C2CD3: variants seen among roughly 807,000 people sequenced by gnomAD.
C2CD3 encodes C2 domain containing 3 centriole elongation regulator.
Under a neutral mutation model 234.0 loss-of-function variants are expected in C2CD3, and 148 were observed. That is an observed-to-expected ratio of 0.63 (90% confidence interval 0.55 to 0.72). C2CD3 has a LOEUF of 0.72. Ranked by LOEUF, C2CD3 falls within the 30% of genes least tolerant of loss-of-function variation. The probability of loss-of-function intolerance (pLI) is 0.00; values close to 1 mark genes in which losing one functional copy is unlikely to be tolerated. For synonymous variants in C2CD3, 1,000 were observed against 1,035.4 expected (o/e 0.97, Z 0.66); for missense variants, 2,577 against 2,811.5 (o/e 0.92, Z 1.89).
At chr11:74,121,973 C>T (rs1273254841) in intron 8 of C2CD3, among the ~76,000 whole-genome samples, 2 of 152,154 alleles carry the variant, frequency 1.3e-5, no homozygotes, top group Non-Finnish European at 1.5e-5. Flanking sequence ...ATCTGCTTCT[C>T]GTTATTCCCT....
intron 14 of C2CD3, among the ~76,000 whole-genome samples, chr11:74,100,948 A>C (rs939966863): frequency 6.6e-6 from 1 of 152,216 alleles, no homozygotes; most frequent in Admixed American, 6.5e-5. Context: ...GAAGGTTGTT[A>C]AATATGTCAA....
chr11:74,078,436 G>T lies in C2CD3; in HGVS notation c.4282C>A (p.His1428Asn). The T allele has an allele frequency of 6.2e-7, 1 of 1,614,168 alleles. No individual in the cohort carries two copies. The highest frequency in any genetic ancestry group is 8.5e-7 in the Non-Finnish European group (1 of 1,180,028). The change falls in exon 23 of 33, where the codon CAC (histidine) becomes AAC (asparagine). Residue 1428 changes from histidine (H) to asparagine (N), a missense_variant. Coordinates refer to ENST00000334126, the MANE Select transcript of C2CD3 (RefSeq NM_001286577.2). Reference sequence around the variant, plus strand: ...TAGCAATATGTATTCTTATGAATGTGGTTGTGGCCAGCAAGCAGCACACAA... The same window carrying T: ...TAGCAATATGTATTCTTATGAATGTTGTTGTGGCCAGCAAGCAGCACACAA... The part of the protein sequence containing the change: ...IHCVLLAGHN[H>N]IHKNTYCYLR...
At chr11:74,159,460 A>G (rs1590967117) in intron 3 of C2CD3, among the ~76,000 whole-genome samples, 1 of 152,124 alleles carries the variant, frequency 6.6e-6, no homozygotes, top group African/African-American at 2.4e-5. Flanking sequence ...GAGGTGGAAG[A>G]CAGTGATAGT....
intron 24 of C2CD3, among the ~76,000 whole-genome samples, chr11:74,064,420 G>A (rs1036555971): frequency 2.9e-4 from 44 of 152,114 alleles, no homozygotes; most frequent in African/African-American, 8.7e-4. Flanking sequence ...TGAAATAAAA[G>A]AGGACACAAT....
intron 15 of C2CD3, among the ~76,000 whole-genome samples, chr11:74,099,927 G>T (rs1476919883): frequency 6.6e-6 from 1 of 150,810 alleles, no homozygotes; most frequent in Non-Finnish European, 1.5e-5. Context: ...CAACAAAAAA[G>T]AAACAGTTTG....
chr11:74,102,152 TAAGA>T (rs1328982136), intron 14 of C2CD3, among the ~76,000 whole-genome samples: 5 of 152,320 alleles, frequency 3.3e-5, no homozygotes, highest in East Asian at 1.9e-4. Flanking sequence ...AGTAATTACA[TAAGA>T]AAGAGTCAAG....
At position 74,097,149 on chromosome 11, in the gene C2CD3, G is replaced by A. The variant is rs542181952; in HGVS notation, c.2979+860C>T. ...GGGCAACAGAGCAAGACCTCACCTC[G>A]AAAAAAAAAAAAAAATCTAACAAAT... On this transcript the variant is annotated intron_variant, in intron 16 of 32. Transcript: ENST00000334126. 3.4e-3 allele frequency among the ~76,000 whole-genome samples: 462 copies of A among 135,034 alleles called. 1 individual carries two copies. The highest frequency in any genetic ancestry group is 0.028 in the Middle Eastern group (7 of 252). The allele number at this position is 135,034 out of a possible 152,430, so 88.6% of individuals were successfully genotyped here. A position where few individuals can be genotyped will look rare whatever the true frequency, so the allele number is the denominator to read the frequency against.
rs772946414 is a variant in C2CD3 at position 74,095,335 on chromosome 11, G to C, written c.3053C>G (p.Pro1018Arg). The C allele has an allele frequency of 2.5e-6, 4 of 1,613,844 alleles. No homozygotes were observed. Among genetic ancestry groups the C allele is most frequent in the Non-Finnish European group, 3.4e-6 (4 of 1,179,800 alleles). The change falls in exon 17 of 33, where the codon CCT (proline) becomes CGT (arginine). Residue 1018 changes from proline (P) to arginine (R), a missense_variant. Physicochemically the swap from Pro to Arg is moderately radical, Grantham distance 103. Coordinates refer to ENST00000334126, the MANE Select transcript of C2CD3 (RefSeq NM_001286577.2). ...TTCTCCCCAGACTGTTGCCTGAAGA[G>C]GGGCTAGCCCTTTAACCATCTCTAT... ...IHIEMVKGLAPLQATVWGEAD... is the reference protein window; with the variant it reads ...IHIEMVKGLARLQATVWGEAD...
At chr11:74,076,793 C>T (rs1203467485) in intron 23 of C2CD3, among the ~76,000 whole-genome samples, 1 of 152,162 alleles carries the variant, frequency 6.6e-6, no homozygotes, top group Non-Finnish European at 1.5e-5. Flanking sequence ...TTGACTTATA[C>T]CTACATCCTT....
At chr11:74,043,018 C>A (rs2135423043) in intron 28 of C2CD3, among the ~76,000 whole-genome samples, 1 of 152,282 alleles carries the variant, frequency 6.6e-6, no homozygotes, top group East Asian at 1.9e-4. Context: ...AATTCACATG[C>A]CATACAATTC....
chr11:74,056,417 A>G (rs1171415232), intron 25 of C2CD3, among the ~76,000 whole-genome samples: 1 of 152,230 alleles, frequency 6.6e-6, no homozygotes, highest in East Asian at 1.9e-4. Flanking sequence ...ACAGTGGCTG[A>G]CAGAACTTTA....
At chr11:74,045,346 G>C (rs771716380) in intron 28 of C2CD3, among the ~76,000 whole-genome samples, 4 of 152,108 alleles carry the variant, frequency 2.6e-5, no homozygotes, top group Non-Finnish European at 5.9e-5. Flanking sequence ...TAGGGACTCT[G>C]TTCTTTTTCA....
In C2CD3 at chr11:74,033,004, C is replaced by T. The variant is rs544812193; in HGVS notation, c.6809+347G>A. 7.1e-4 allele frequency among the ~76,000 whole-genome samples: 108 copies of T among 152,210 alleles called. 1 individual carries two copies. Among genetic ancestry groups the T allele is most frequent in the Non-Finnish European group, 1.2e-3 (80 of 67,994 alleles). On this transcript the variant is annotated intron_variant, in intron 31 of 32. Transcript: ENST00000334126. ...TGCTCAATGGCAGTGATTTTCTTTC[C>T]TCTTTCTCTAGACCCTCTGCTTCTC... is the stretch of plus-strand genomic sequence containing the variant.
intron 31 of C2CD3, among the ~76,000 whole-genome samples, chr11:74,031,584 C>G (rs986235541): frequency 6.6e-6 from 1 of 152,222 alleles, no homozygotes; most frequent in Non-Finnish European, 1.5e-5. Flanking sequence ...CATCACAGTA[C>G]TTGGCACAAT....
intron 24 of C2CD3, among the ~76,000 whole-genome samples, chr11:74,073,392 G>C (rs1954885666): frequency 6.6e-6 from 1 of 152,028 alleles, no homozygotes; most frequent in South Asian, 2.1e-4. Flanking sequence ...TTCGAGATCA[G>C]CCTGTCCAAC....
intron 5 of C2CD3, 71 bp from the exon 6 acceptor site, chr11:74,133,628 T>A (rs1957753529): frequency 1.3e-6 from 2 of 1,538,932 alleles, no homozygotes; most frequent in Admixed American, 3.5e-5. Flanking sequence ...TTCAGTGCAT[T>A]TCCTTCTATC....
intron 10 of C2CD3, 121 bp from the exon 11 acceptor site, chr11:74,114,013 T>C: frequency 1.6e-6 from 1 of 627,350 alleles, no homozygotes; most frequent in Non-Finnish European, 2.7e-6. Context: ...AGGCCCTACC[T>C]CTTCTTCAAA....
In C2CD3 at chr11:74,114,497, A is replaced by G; in HGVS notation, c.1617T>C (p.His539=). Residue 539 remains histidine (H), a synonymous_variant, in exon 10 of 33, where the codon CAT becomes CAC. Transcript: ENST00000334126. ...VDRLALLGRT[H]SVRIIIETMG... ...TGGTTTCGATGATGATTCTGACTGA[A>G]TGTGTTCTACCCAAAAGGGCCAGTC... 6.2e-7 allele frequency: 1 copy of G among 1,613,774 alleles called. No homozygotes were observed. Among genetic ancestry groups the G allele is most frequent in the East Asian group, 2.2e-5 (1 of 44,860 alleles).
intron 29 of C2CD3, among the ~76,000 whole-genome samples, chr11:74,038,141 C>T (rs1389005542): frequency 6.6e-6 from 1 of 152,186 alleles, no homozygotes; most frequent in Non-Finnish European, 1.5e-5. Context: ...CTTCTGTGCT[C>T]CATAGTTCTT....
Sources: allele counts gnomAD v4.1 joint callset (sites outside exome capture counted in the v4.1 genomes callset), GRCh38; gene constraint gnomAD v4.1.1; transcripts MANE v1.5; gene names NCBI Gene and HGNC (gene_info 2026-07-23, HGNC 2026-07-21).